The following AMACR variants were observed in gnomAD, a reference collection of about 807,000 sequenced individuals.
The protein encoded by AMACR is 2-methylacyl-CoA racemase.
Under a neutral mutation model 22.2 loss-of-function variants are expected in AMACR, and 18 were observed. The ratio of observed to expected loss-of-function variants is 0.81; its 90% CI spans 0.56 to 1.20. The LOEUF is 1.20. AMACR is among the 50% of genes most tolerant of loss of function. The pLI is 0.00. For synonymous variants in AMACR, 213 were observed against 191.3 expected (o/e 1.11, Z -0.94); for missense variants, 499 against 490.6 (o/e 1.02, Z -0.16).
chr5:33,992,471 G>A (rs1191008000), intron 4 of AMACR, among the ~76,000 whole-genome samples: 6 of 152,074 alleles, frequency 3.9e-5, no homozygotes, highest in African/African-American at 1.4e-4. Context: ...ACTTTGGAAG[G>A]CTGAGGCAGG....
chr5:33,989,111 C>T lies in AMACR; in HGVS notation c.1131G>A (p.Lys377=). Reference sequence around the variant, plus strand: ...CTGGAAGTTAGAGACTAGCTTTTACCTTATTACTTTCAATGATTTTATCTG... The same window carrying T: ...CTGGAAGTTAGAGACTAGCTTTTACTTTATTACTTTCAATGATTTTATCTG... ...LNSDKIIESN[K]VKASL The change falls in exon 5 of 5, where the codon AAG becomes AAA. Residue 377 remains lysine (K), a synonymous_variant. Coordinates refer to ENST00000335606, the MANE Select transcript of AMACR (RefSeq NM_014324.6). The T allele has an allele frequency of 6.2e-7, 1 of 1,614,058 alleles. No homozygotes were observed. The highest frequency in any genetic ancestry group is 2.2e-5 in the East Asian group (1 of 44,880).
intron 3 of AMACR, among the ~76,000 whole-genome samples, chr5:34,002,564 C>A (rs1009869144): frequency 7.2e-5 from 11 of 152,178 alleles, no homozygotes; most frequent in Non-Finnish European, 1.6e-4. Flanking sequence ...TAGGGTCCAA[C>A]TGCCTGGGGC....
At chr5:33,998,266 C>T (rs1753703349) in intron 4 of AMACR, among the ~76,000 whole-genome samples, 1 of 152,142 alleles carries the variant, frequency 6.6e-6, no homozygotes, top group Non-Finnish European at 1.5e-5. Flanking sequence ...TAAGGGACAT[C>T]TACCAAGAAA....
chr5:34,006,544 A>G (rs1282373030), intron 1 of AMACR, among the ~76,000 whole-genome samples: 1 of 152,240 alleles, frequency 6.6e-6, no homozygotes, highest in Admixed American at 6.5e-5. Context: ...TAAGGCTAAA[A>G]TAAATCACAG....
chr5:33,992,822 TCTTA>T (rs1753524696), intron 4 of AMACR, among the ~76,000 whole-genome samples: 1 of 152,170 alleles, frequency 6.6e-6, no homozygotes, highest in Non-Finnish European at 1.5e-5. Flanking sequence ...AATTTTCCCT[TCTTA>T]CTTTTTAAAA....
rs749650326 is a variant in AMACR, at chr5:33,998,817, G to A, written c.563C>T (p.Thr188Ile). The change falls in exon 4 of 5, where the codon ACA (threonine) becomes ATA (isoleucine). Residue 188 changes from threonine (T) to isoleucine (I), a missense_variant. Physicochemically the swap from Thr to Ile is moderately conservative, Grantham distance 89. Transcript: ENST00000335606. The stretch of plus-strand genomic sequence containing the variant: ...CCACAGAAAAGAACTTAAATATGCT[G>A]TTCCTTCCACCTTTGAGAAAACAGA... ...QVIDANMVEG[T>I]AYLSSFLWKT... The A allele has an allele frequency of 1.2e-6, 2 of 1,613,930 alleles. No homozygotes were observed. Among genetic ancestry groups the A allele is most frequent in the East Asian group, 2.2e-5 (1 of 44,886 alleles).
intron 4 of AMACR, chr5:33,997,257 G>A (rs771475834): frequency 1.4e-5 from 11 of 771,244 alleles, no homozygotes; most frequent in Non-Finnish European, 2.6e-5. Flanking sequence ...TTCTTTATTG[G>A]TCCGGATTCC....
intron 4 of AMACR, chr5:33,997,123 G>C: frequency 1.3e-6 from 1 of 749,568 alleles, no homozygotes. Flanking sequence ...TTCAACGGCA[G>C]TTTCCTTTAA....
At chr5:33,994,995 A>T (rs145744586) in intron 4 of AMACR, among the ~76,000 whole-genome samples, 1 of 152,358 alleles carries the variant, frequency 6.6e-6, no homozygotes, top group Non-Finnish European at 1.5e-5. Context: ...GGTTTCAGTT[A>T]CCCACAGTCA....
chr5:34,002,293 A>G (rs1387473093), intron 3 of AMACR, among the ~76,000 whole-genome samples: 6 of 152,244 alleles, frequency 3.9e-5, no homozygotes, highest in Non-Finnish European at 5.9e-5. Flanking sequence ...CACCATGCCC[A>G]GCCAACCTTA....
chr5:34,002,299 C>A (rs986024658), intron 3 of AMACR, among the ~76,000 whole-genome samples: 1 of 152,208 alleles, frequency 6.6e-6, no homozygotes, highest in African/African-American at 2.4e-5. Flanking sequence ...GCCCAGCCAA[C>A]CTTACTATCT....
At chr5:33,992,554 C>T (rs531791556) in intron 4 of AMACR, among the ~76,000 whole-genome samples, 2 of 151,810 alleles carry the variant, frequency 1.3e-5, no homozygotes, top group African/African-American at 2.4e-5. Context: ...ACAAAAAAAT[C>T]AAAAAGTTAG....
intron 4 of AMACR, among the ~76,000 whole-genome samples, chr5:33,990,358 C>A (rs1051150063): frequency 6.6e-6 from 1 of 152,142 alleles, no homozygotes; most frequent in African/African-American, 2.4e-5. Context: ...ACTTGAAGGG[C>A]CCATCAAGAC....
At chr5:33,991,231 C>CT (rs1753463672) in intron 4 of AMACR, among the ~76,000 whole-genome samples, 1 of 152,148 alleles carries the variant, frequency 6.6e-6, no homozygotes, top group African/African-American at 2.4e-5. Context: ...TACCCTAACT[C>CT]TAACACCCCA....
At chr5:34,007,718 G>A (rs1754029464) in intron 1 of AMACR, 55 bp downstream of exon 1, 2 of 1,495,590 alleles carry the variant, frequency 1.3e-6, no homozygotes, top group Admixed American at 2.1e-5. Flanking sequence ...CGAACGGCCA[G>A]GCCCCTCCCC....
At position 33,986,537 on chromosome 5, in the gene AMACR, C is replaced by T. The variant is rs1307846635; in HGVS notation, c.*2556G>A. 6.6e-6 allele frequency: 1 copy of T among 152,186 alleles called. No individual in the cohort carries two copies. 9.4% of individuals were successfully genotyped at this position (152,186 alleles called of 1,614,324 possible). A position where few individuals can be genotyped will look rare whatever the true frequency, so the allele number is the denominator to read the frequency against. ...ACCATACACACTGCATTTTGTGCTGCCTGTCTGCTCAGATCTATTTCCTTT... is the reference window on the plus strand; with the variant it reads ...ACCATACACACTGCATTTTGTGCTGTCTGTCTGCTCAGATCTATTTCCTTT... On this transcript the variant is annotated 3_prime_UTR_variant, in exon 5 of 5. Transcript: ENST00000335606.
chr5:33,995,270 G>A (rs1240168427), intron 4 of AMACR, among the ~76,000 whole-genome samples: 1 of 152,140 alleles, frequency 6.6e-6, no homozygotes, highest in Non-Finnish European at 1.5e-5. Context: ...CTTCCTAAGG[G>A]CCCCAAAGGT....
Position 34,007,934 on chromosome 5 carries a change from G to A in AMACR, c.86C>T (p.Ala29Val), listed in dbSNP as rs773277129. The A allele has an allele frequency of 1.9e-6, 3 of 1,610,278 alleles. No homozygotes were observed. Among genetic ancestry groups the A allele is most frequent in the Non-Finnish European group, 2.5e-6 (3 of 1,179,502 alleles). Residue 29 changes from alanine (A) to valine (V), a missense_variant, in exon 1 of 5, where the codon GCG becomes GTG. By Grantham distance (64) the Ala-to-Val change is moderately conservative (BLOSUM62 0). Coordinates refer to ENST00000335606, the MANE Select transcript of AMACR (RefSeq NM_014324.6). ...FCAMVLADFGARVVRVDRPGS... is the reference protein window; with the variant it reads ...FCAMVLADFGVRVVRVDRPGS... The stretch of plus-strand genomic sequence containing the variant: ...GGGCCGGTCCACGCGTACCACACGC[G>A]CCCCGAAGTCAGCCAGGACCATAGC...
chr5:33,988,383 G>T lies in AMACR; in HGVS notation c.*710C>A. 1 of 1,538,428 alleles carries T rather than the reference G, an allele frequency of 6.5e-7. No individual in the cohort carries two copies. Among genetic ancestry groups the T allele is most frequent in the Non-Finnish European group, 8.7e-7 (1 of 1,147,504 alleles). ...CAGCCTGAGGAGAAATCAAACACATGGAGAAAGGAAAGCTGACAGCCCAGA... is the reference window on the plus strand; with the variant it reads ...CAGCCTGAGGAGAAATCAAACACATTGAGAAAGGAAAGCTGACAGCCCAGA... On this transcript the variant is annotated 3_prime_UTR_variant, in exon 5 of 5. Coordinates refer to ENST00000335606, the MANE Select transcript of AMACR (RefSeq NM_014324.6).
Sources: gnomAD v4.1 joint callset for allele counts (sites outside exome capture counted in the v4.1 genomes callset) on GRCh38, gnomAD v4.1.1 for gene constraint, MANE v1.5 for transcripts, NCBI Gene and HGNC (gene_info 2026-07-23, HGNC 2026-07-21) for gene names.